PRKG1: variants seen among roughly 807,000 people sequenced by gnomAD.
The protein encoded by PRKG1 is cGMP-dependent protein kinase 1.
Under a neutral mutation model 88.1 loss-of-function variants are expected in PRKG1, and 35 were observed. That is an observed-to-expected ratio of 0.40 (90% CI 0.30 to 0.53). The LOEUF (loss-of-function observed/expected upper bound fraction) is 0.53. PRKG1 is among the 20% of genes least tolerant of loss of function. The pLI, the probability that PRKG1 is intolerant of heterozygous loss-of-function variation, is 0.59. For missense variants in PRKG1, 540 were observed against 839.8 expected, an observed-to-expected ratio of 0.64 and a Z score of 4.41; for synonymous variants, 303 against 292.5, an observed-to-expected ratio of 1.04 and a Z score of -0.37.
At chr10:51,215,329 A>G (rs1214614724) in intron 2 of PRKG1, among the ~76,000 whole-genome samples, 2 of 152,234 alleles carry the variant, frequency 1.3e-5, no homozygotes, top group African/African-American at 4.8e-5. Flanking sequence ...CAGTTGGATG[A>G]TAAATTACAA....
intron 5 of PRKG1, among the ~76,000 whole-genome samples, chr10:52,031,134 A>G (rs954646471): frequency 6.6e-6 from 1 of 152,206 alleles, no homozygotes; most frequent in South Asian, 2.1e-4. Context: ...ATAGAATAAG[A>G]TAAAATGATT....
At chr10:51,205,909 A>G (rs1263911142) in intron 2 of PRKG1, among the ~76,000 whole-genome samples, 1 of 152,206 alleles carries the variant, frequency 6.6e-6, no homozygotes, top group Middle Eastern at 3.2e-3. Context: ...ATTCTCTAGT[A>G]TACTTGTAAG....
At chr10:52,128,520 A>G in intron 7 of PRKG1, 1 of 985,422 alleles carries the variant, frequency 1.0e-6, no homozygotes, top group Non-Finnish European at 1.2e-6. Context: ...GATTCCAGTG[A>G]CGAAGTTCAA....
At chr10:51,034,668 T>TTTATATATATATATATATATATATA (rs9299454) in intron 1 of PRKG1, among the ~76,000 whole-genome samples, 3 of 68,188 alleles carry the variant, frequency 4.4e-5, no homozygotes, top group Non-Finnish European at 5.5e-5. Flanking sequence ...AATATGTTAT[T>TTTATATATATATATATATATATATA]TATATATATA....
chr10:52,189,484 C>G (rs139638292), intron 9 of PRKG1, among the ~76,000 whole-genome samples: 4 of 152,168 alleles, frequency 2.6e-5, no homozygotes, highest in African/African-American at 9.7e-5. Flanking sequence ...AGCTCTGCCC[C>G]CTGTCAGATC....
At chr10:51,746,433 C>G (rs1053222156) in intron 3 of PRKG1, among the ~76,000 whole-genome samples, 2 of 152,018 alleles carry the variant, frequency 1.3e-5, no homozygotes, top group African/African-American at 4.8e-5. Flanking sequence ...TATTTGGAAG[C>G]CTTTGCATCT....
intron 4 of PRKG1, among the ~76,000 whole-genome samples, chr10:51,890,417 T>C (rs1286641422): frequency 1.3e-5 from 2 of 152,206 alleles, no homozygotes; most frequent in Non-Finnish European, 2.9e-5. Flanking sequence ...TTATATGGTC[T>C]GTCACTTGAC....
intron 2 of PRKG1, among the ~76,000 whole-genome samples, chr10:51,463,722 G>T (rs1424617360): frequency 6.6e-6 from 1 of 152,182 alleles, no homozygotes; most frequent in Non-Finnish European, 1.5e-5. Context: ...AGACGGGTGA[G>T]AGGCCTAGTA....
intron 3 of PRKG1, among the ~76,000 whole-genome samples, chr10:51,721,249 C>T (rs1471694134): frequency 1.4e-5 from 2 of 144,648 alleles, no homozygotes; most frequent in South Asian, 2.3e-4. Flanking sequence ...AAAAGTAAAA[C>T]ACTTAACATT....
intron 2 of PRKG1, among the ~76,000 whole-genome samples, chr10:51,371,350 C>A (rs1452434198): frequency 1.3e-5 from 2 of 150,630 alleles, no homozygotes; most frequent in East Asian, 3.9e-4. Context: ...CCAGCCTGAG[C>A]AACATTAGAG....
In PRKG1 at chr10:51,441,277, A is replaced by T. The variant is rs144471009; in HGVS notation, c.479-26446A>T. ...GTCAGTTTTGCTCTTGTTCTCTCTG[A>T]TAGGTGTATTGTGAACTTATCAAAG... is the stretch of plus-strand genomic sequence containing the variant. On this transcript the variant is annotated intron_variant, in intron 2 of 17. Coordinates refer to ENST00000373980, the MANE Select transcript of PRKG1 (RefSeq NM_006258.4). 2.6e-5 allele frequency among the ~76,000 whole-genome samples: 4 copies of T among 152,142 alleles called. No homozygotes were observed. The South Asian group carries it at 8.3e-4, about 32-fold the overall frequency.
chr10:52,182,948 T>A (rs183064931), intron 9 of PRKG1, among the ~76,000 whole-genome samples: 184 of 152,322 alleles, frequency 1.2e-3, no homozygotes, highest in Non-Finnish European at 1.7e-3. Flanking sequence ...CAGGAAATTT[T>A]TACTCATGCT....
chr10:51,924,905 T>A (rs994645691), intron 5 of PRKG1, among the ~76,000 whole-genome samples: 3 of 151,820 alleles, frequency 2.0e-5, no homozygotes, highest in African/African-American at 7.2e-5. Context: ...TTCCTAGAGT[T>A]TTCATTTCTC....
chr10:51,578,388 T>C (rs949374750), intron 3 of PRKG1, among the ~76,000 whole-genome samples: 1 of 152,156 alleles, frequency 6.6e-6, no homozygotes, highest in Non-Finnish European at 1.5e-5. Flanking sequence ...TTTTTCCTTG[T>C]CATTTTCTGT....
At chr10:51,743,532 G>A (rs1837489073) in intron 3 of PRKG1, among the ~76,000 whole-genome samples, 1 of 151,132 alleles carries the variant, frequency 6.6e-6, no homozygotes, top group Non-Finnish European at 1.5e-5. Flanking sequence ...GTAGCCCAAG[G>A]TGGGATATAT....
intron 2 of PRKG1, among the ~76,000 whole-genome samples, chr10:51,316,245 T>C (rs1841314127): frequency 6.6e-6 from 1 of 152,238 alleles, no homozygotes; most frequent in Non-Finnish European, 1.5e-5. Flanking sequence ...AGATACTACT[T>C]TGATTGTTGA....
Position 52,180,697 on chromosome 10 carries a change from T to G in PRKG1, c.1076+18734T>G, listed in dbSNP as rs1220105701. 5.9e-5 allele frequency among the ~76,000 whole-genome samples: 9 copies of G among 152,296 alleles called. No individual in the cohort carries two copies. In the East Asian group the frequency reaches 1.7e-3, roughly 29 times the overall value. The stretch of plus-strand genomic sequence containing the variant: ...TAGTGGCCTAGGCTGAGGATTTGTG[T>G]TGTTGGTGGTGTAACTTTGCCAGAC... On this transcript the variant is annotated intron_variant, in intron 9 of 17. Transcript: ENST00000373980.
chr10:51,225,779 AG>A (rs1205372816), intron 2 of PRKG1, among the ~76,000 whole-genome samples: 1 of 152,190 alleles, frequency 6.6e-6, no homozygotes, highest in Non-Finnish European at 1.5e-5. Context: ...GATTTAGAAA[AG>A]TTCTAGATTC....
chr10:52,233,607 G>A (rs1405065942), intron 9 of PRKG1, among the ~76,000 whole-genome samples: 24 of 146,424 alleles, frequency 1.6e-4, no homozygotes, highest in African/African-American at 5.0e-4. Context: ...TTTTCAGACC[G>A]GCTTAAAAAA....
Sources: gnomAD v4.1 joint callset for allele counts (sites outside exome capture counted in the v4.1 genomes callset) on GRCh38, gnomAD v4.1.1 for gene constraint, MANE v1.5 for transcripts, NCBI Gene and HGNC (gene_info 2026-07-23, HGNC 2026-07-21) for gene names.